The following MYO3B variants were observed in gnomAD, a reference collection of about 807,000 sequenced individuals.
MYO3B encodes the protein myosin IIIB.
A neutral mutation model predicts 174.6 loss-of-function variants in MYO3B; 156 were observed. The ratio of observed to expected loss-of-function variants is 0.89; its 90% confidence interval spans 0.78 to 1.02. The LOEUF (loss-of-function observed/expected upper bound fraction) is 1.02. Ranked by LOEUF, MYO3B falls within the 50% of genes least tolerant of loss-of-function variation. The pLI, the probability that MYO3B is intolerant of heterozygous loss-of-function variation, is 0.00. For missense variants in MYO3B, 1,632 were observed against 1,639.4 expected (o/e 1.00, Z 0.08); for synonymous variants, 563 against 569.1 (o/e 0.99, Z 0.15).
intron 22 of MYO3B, among the ~76,000 whole-genome samples, chr2:170,436,387 A>T (rs2094754025): frequency 6.6e-6 from 1 of 152,188 alleles, no homozygotes; most frequent in South Asian, 2.1e-4. Flanking sequence ...TCTATTGTTT[A>T]TTCATGCTGT....
chr2:170,608,024 A>G (rs1381748727), intron 32 of MYO3B, among the ~76,000 whole-genome samples: 1 of 152,206 alleles, frequency 6.6e-6, no homozygotes, highest in Non-Finnish European at 1.5e-5. Flanking sequence ...AAGGATACCT[A>G]TAGACAAAAT....
chr2:170,574,774 C>T (rs1044614783), intron 32 of MYO3B, among the ~76,000 whole-genome samples: 1 of 152,172 alleles, frequency 6.6e-6, no homozygotes, highest in Non-Finnish European at 1.5e-5. Context: ...AGTGCTTTCA[C>T]ATCTTTTTTG....
chr2:170,588,558 G>A (rs79048654), intron 32 of MYO3B, among the ~76,000 whole-genome samples: 7,654 of 152,212 alleles, frequency 0.05, 336 homozygotes, highest in South Asian at 0.11. Context: ...ATGAAGTACC[G>A]TTTGGAGAAT....
intron 25 of MYO3B, among the ~76,000 whole-genome samples, chr2:170,476,802 A>G (rs1022987336): frequency 6.6e-6 from 1 of 151,958 alleles, no homozygotes; most frequent in African/African-American, 2.4e-5. Context: ...GGGTGGGACC[A>G]TTGCCGGGGA....
intron 32 of MYO3B, among the ~76,000 whole-genome samples, chr2:170,584,899 G>A (rs1693403203): frequency 6.6e-6 from 1 of 152,224 alleles, no homozygotes; most frequent in Non-Finnish European, 1.5e-5. Context: ...AATCTGGGAT[G>A]CTTTTAAGAG....
chr2:170,390,851 G>T (rs967513808), intron 14 of MYO3B, among the ~76,000 whole-genome samples: 4 of 152,060 alleles, frequency 2.6e-5, no homozygotes, highest in African/African-American at 7.2e-5. Context: ...TCATGCTCTT[G>T]GATGTCATGG....
chr2:170,390,747 T>G (rs979511895), intron 14 of MYO3B, among the ~76,000 whole-genome samples: 1 of 152,238 alleles, frequency 6.6e-6, no homozygotes, highest in Non-Finnish European at 1.5e-5. Context: ...TTTCAAACTC[T>G]GTGCTAAGGG....
At chr2:170,501,631 G>T (rs1687274356) in intron 27 of MYO3B, among the ~76,000 whole-genome samples, 154 bp from the exon 28 acceptor site, 1 of 152,096 alleles carries the variant, frequency 6.6e-6, no homozygotes, top group Non-Finnish European at 1.5e-5. Context: ...CTCTCTTCTC[G>T]CCATAGATCA....
chr2:170,386,916 C>T (rs1398251393), intron 13 of MYO3B, among the ~76,000 whole-genome samples, 190 bp from the exon 14 acceptor site: 3 of 152,190 alleles, frequency 2.0e-5, no homozygotes, highest in African/African-American at 7.2e-5. Context: ...CTAGCCAAAT[C>T]CGATTCATAT....
At chr2:170,407,260 G>C (rs1286419676) in intron 21 of MYO3B, among the ~76,000 whole-genome samples, 1 of 145,176 alleles carries the variant, frequency 6.9e-6, no homozygotes, top group Non-Finnish European at 1.5e-5. Context: ...AGGAGATCAA[G>C]ACCATCCTGG....
At chr2:170,466,081 G>A (rs181132222) in intron 24 of MYO3B, among the ~76,000 whole-genome samples, 21 of 152,116 alleles carry the variant, frequency 1.4e-4, no homozygotes, top group African/African-American at 4.1e-4. Context: ...ATTACCAATC[G>A]TATCTGTAGG....
intron 24 of MYO3B, among the ~76,000 whole-genome samples, chr2:170,464,121 G>T (rs530338115): frequency 6.5e-4 from 99 of 152,242 alleles, no homozygotes; most frequent in Middle Eastern, 3.4e-3. Flanking sequence ...GGAGGCTGAG[G>T]CAGGCGCATC....
chr2:170,563,295 C>T lies in MYO3B; in HGVS notation c.3733+19307C>T, dbSNP rs192385422. On this transcript the variant is annotated intron_variant, in intron 32 of 34. Coordinates refer to ENST00000408978, the MANE Select transcript of MYO3B (RefSeq NM_138995.5). ...TGAAACCATAAAGGATAGTGTAGTT[C>T]TCCAAGGACCAATGAGAGTAAAGCC... Among the ~76,000 whole-genome samples the T allele has an allele frequency of 3.1e-3, 478 of 152,178 alleles. 1 individual carries two copies. Among genetic ancestry groups the T allele is most frequent in the African/African-American group, 0.01 (432 of 41,516 alleles).
intron 30 of MYO3B, among the ~76,000 whole-genome samples, chr2:170,538,642 C>T (rs779546124): frequency 6.6e-6 from 1 of 152,166 alleles, no homozygotes; most frequent in Non-Finnish European, 1.5e-5. Context: ...TGAGTTTTGT[C>T]TGGGGGCTTT....
At chr2:170,358,179 A>G (rs2105633326) in intron 8 of MYO3B, among the ~76,000 whole-genome samples, 1 of 152,220 alleles carries the variant, frequency 6.6e-6, no homozygotes, top group South Asian at 2.1e-4. Flanking sequence ...AAACAAAAGT[A>G]GAAACAACCT....
At chr2:170,241,766 A>G (rs758331539) in intron 7 of MYO3B, among the ~76,000 whole-genome samples, 1 of 152,140 alleles carries the variant, frequency 6.6e-6, no homozygotes, top group African/African-American at 2.4e-5. Flanking sequence ...CTCAGTGCCT[A>G]CAATCGACTC....
At chr2:170,338,930 A>G (rs2105551713) in intron 8 of MYO3B, among the ~76,000 whole-genome samples, 1 of 152,328 alleles carries the variant, frequency 6.6e-6, no homozygotes, top group Non-Finnish European at 1.5e-5. Flanking sequence ...CATTCTGTAG[A>G]GGAGACTGCT....
chr2:170,361,751 C>G (rs1017356882), intron 8 of MYO3B, among the ~76,000 whole-genome samples: 3 of 152,206 alleles, frequency 2.0e-5, no homozygotes, highest in Non-Finnish European at 4.4e-5. Context: ...TTGTTTAGCA[C>G]TTTTACATCT....
intron 30 of MYO3B, among the ~76,000 whole-genome samples, chr2:170,527,425 A>G (rs768194171): frequency 3.3e-5 from 5 of 152,280 alleles, no homozygotes; most frequent in African/African-American, 7.2e-5. Context: ...TTTTAAAATT[A>G]GATTCTAACA....
Sources: allele counts gnomAD v4.1 joint callset (sites outside exome capture counted in the v4.1 genomes callset), GRCh38; gene constraint gnomAD v4.1.1; transcripts MANE v1.5; gene names NCBI Gene and HGNC (gene_info 2026-07-23, HGNC 2026-07-21).